ANO4: variants seen among roughly 807,000 people sequenced by gnomAD.
The protein encoded by ANO4 is anoctamin 4, also known as anoctamin-4.
Under a neutral mutation model 141.9 loss-of-function variants are expected in ANO4, and 69 were observed. The ratio of observed to expected loss-of-function variants is 0.49; its 90% CI spans 0.40 to 0.59. The LOEUF (loss-of-function observed/expected upper bound fraction) is 0.59, where lower values mean the gene tolerates loss of function less well. Ranked by LOEUF, ANO4 falls within the 20% of genes least tolerant of loss-of-function variation. ANO4 has a pLI of 0.00. For missense variants in ANO4, 894 were observed against 1,162.2 expected (o/e 0.77, Z 3.36); for synonymous variants, 350 against 394.3 (o/e 0.89, Z 1.33).
intron 1 of ANO4, among the ~76,000 whole-genome samples, chr12:100,726,683 G>A (rs2031134981): frequency 6.6e-6 from 1 of 152,214 alleles, no homozygotes; most frequent in Non-Finnish European, 1.5e-5. Flanking sequence ...GAGCAGGGTG[G>A]TAGAGAACAG....
chr12:101,120,377 G>A, intron 25 of ANO4, 143 bp from the exon 26 acceptor site: 1 of 681,742 alleles, frequency 1.5e-6, no homozygotes, highest in Admixed American at 2.9e-5. Flanking sequence ...GAAAAATGCT[G>A]GACAAGCAAA....
intron 1 of ANO4, among the ~76,000 whole-genome samples, chr12:100,833,323 A>T (rs1006789675): frequency 1.3e-5 from 2 of 152,174 alleles, no homozygotes; most frequent in Non-Finnish European, 2.9e-5. Context: ...GTATAAAAAG[A>T]GTAATATACA....
intron 1 of ANO4, among the ~76,000 whole-genome samples, chr12:100,856,495 C>A (rs1174863543): frequency 6.6e-6 from 1 of 151,960 alleles, no homozygotes; most frequent in Non-Finnish European, 1.5e-5. Context: ...CTGTAGCCAG[C>A]TGGGGGAAAA....
intron 5 of ANO4, among the ~76,000 whole-genome samples, chr12:100,956,990 T>A (rs1170453814): frequency 2.0e-5 from 3 of 152,254 alleles, no homozygotes; most frequent in Non-Finnish European, 4.4e-5. Context: ...TAAAATTAAC[T>A]CTTTTTAAGG....
intron 7 of ANO4, among the ~76,000 whole-genome samples, chr12:100,982,876 A>C (rs2044543787): frequency 6.6e-6 from 1 of 152,270 alleles, no homozygotes; most frequent in Non-Finnish European, 1.5e-5. Flanking sequence ...CCAAATCACC[A>C]ACAACCTGTA....
rs117482883 is a variant in ANO4 at position 101,074,954 on chromosome 12, C to T, written c.1313-4239C>T. Among the ~76,000 whole-genome samples, 11 of 152,278 alleles carry T rather than the reference C, an allele frequency of 7.2e-5. No individual in the cohort carries two copies. The East Asian group carries it at 2.1e-3, about 29-fold the overall frequency. On this transcript the variant is annotated intron_variant, in intron 14 of 27. Transcript: ENST00000392977. ...GTATAAAGACAACTAAGATACAGCT[C>T]TGCTCTCAAGAAGTCCACAAACTAG...
intron 5 of ANO4, among the ~76,000 whole-genome samples, chr12:100,944,617 A>G (rs1264327433): frequency 2.0e-5 from 3 of 151,498 alleles, no homozygotes; most frequent in Non-Finnish European, 4.4e-5. Flanking sequence ...TTCACAAGTG[A>G]CCTCTCCCGC....
chr12:100,942,632 A>T, intron 5 of ANO4, 97 bp downstream of exon 5: 2 of 1,297,392 alleles, frequency 1.5e-6, no homozygotes, highest in African/African-American at 1.5e-5. Flanking sequence ...TTAACCAAAC[A>T]TTTCATTTGG....
intron 14 of ANO4, among the ~76,000 whole-genome samples, chr12:101,062,705 A>C (rs1358214829): frequency 6.6e-6 from 1 of 152,148 alleles, no homozygotes; most frequent in African/African-American, 2.4e-5. Flanking sequence ...TTACCTACTC[A>C]AGCCTCAGCA....
chr12:100,887,090 C>T (rs1446926524), intron 1 of ANO4, among the ~76,000 whole-genome samples: 2 of 152,216 alleles, frequency 1.3e-5, no homozygotes, highest in African/African-American at 4.8e-5. Flanking sequence ...TGACAAAAAT[C>T]TTATATAAAG....
intron 14 of ANO4, among the ~76,000 whole-genome samples, chr12:101,076,640 GC>G (rs150385990): frequency 0.049 from 7,524 of 152,190 alleles, 617 homozygotes; most frequent in African/African-American, 0.17. Context: ...AGCAGCAGCT[GC>G]CAGTAAGACA....
chr12:100,788,231 A>G (rs1160116732), intron 3 of ANO4, among the ~76,000 whole-genome samples: 1 of 152,174 alleles, frequency 6.6e-6, no homozygotes, highest in East Asian at 1.9e-4. Context: ...GCTAGTTGAT[A>G]ATTCAGGGAT....
Position 100,726,354 on chromosome 12 carries a change from G to A in ANO4, c.23-7420G>A, listed in dbSNP as rs78690377. Among the ~76,000 whole-genome samples the A allele has an allele frequency of 1.5e-3, 236 of 152,300 alleles. 1 individual carries two copies. Among genetic ancestry groups the A allele is most frequent in the African/African-American group, 5.4e-3 (223 of 41,558 alleles). On this transcript the variant is annotated intron_variant, in intron 1 of 29. Transcript: ENST00000644049. The stretch of plus-strand genomic sequence containing the variant: ...ATTTCTCTTCTCAGCCTCAGTCTAT[G>A]AATATTCTGAACTAATCTATTTCTT...
intron 5 of ANO4, among the ~76,000 whole-genome samples, chr12:100,965,635 C>A (rs1382759562): frequency 1.3e-5 from 2 of 151,828 alleles, no homozygotes; most frequent in African/African-American, 4.8e-5. Flanking sequence ...TGTTCAATCA[C>A]CCCAGCCTTT....
chr12:100,834,150 A>G (rs1049342590), intron 1 of ANO4, among the ~76,000 whole-genome samples: 2 of 152,126 alleles, frequency 1.3e-5, no homozygotes, highest in African/African-American at 4.8e-5. Context: ...GCAAGCCACC[A>G]CCACCGAGGT....
chr12:100,744,906 C>T (rs2032035272), intron 3 of ANO4, among the ~76,000 whole-genome samples: 1 of 152,018 alleles, frequency 6.6e-6, no homozygotes, highest in Non-Finnish European at 1.5e-5. Flanking sequence ...TCTCTCCCTC[C>T]TTTCCCTCAC....
chr12:100,751,933 G>A (rs531801944), intron 3 of ANO4, among the ~76,000 whole-genome samples: 26 of 152,162 alleles, frequency 1.7e-4, no homozygotes, highest in Non-Finnish European at 2.5e-4. Flanking sequence ...TGAAGATATA[G>A]TTGGAATGTG....
rs373885901 is a variant in ANO4, at chr12:100,939,323, G to A, written c.169G>A (p.Asp57Asn). ...ATTTACTTTGGTTCTAGTGGCCAAG[G>A]ATGTCAATATTCTTTTTGATGAATT... ...ILNAIQEMAK[D>N]VNILFDELEA... is the part of the protein sequence containing the mutation. The change falls in exon 4 of 28, where the codon GAT becomes AAT. Residue 57 changes from aspartate to asparagine, a missense_variant. Asp to Asn is a conservative substitution (Grantham distance 23, BLOSUM62 1). This residue lies in a region of ANO4 where 257 missense variants were observed against 253.0 expected (regional missense o/e 1.02). Transcript: ENST00000392977. The A allele has an allele frequency of 2.9e-5, 47 of 1,612,946 alleles. No homozygotes were observed. The highest frequency in any genetic ancestry group is 5.3e-5 in the African/African-American group (4 of 74,886).
chr12:101,127,999 C>A lies in ANO4; in HGVS notation c.*143C>A, dbSNP rs566358559. On this transcript the variant is annotated 3_prime_UTR_variant, in exon 28 of 28. Coordinates refer to ENST00000392977, the MANE Select transcript of ANO4 (RefSeq NM_001286615.2). ...CGGCGGCCGCAGGAGGGGCAGCATC[C>A]AGTAGAGGACTGGCGTTGGAGTCAC... The A allele has an allele frequency of 6.5e-6, 1 of 152,788 alleles. No individual in the cohort carries two copies. The highest frequency in any genetic ancestry group is 2.4e-5 in the African/African-American group (1 of 41,582). 9.5% of individuals were successfully genotyped at this position (152,788 alleles called of 1,614,324 possible). A position where few individuals can be genotyped will look rare whatever the true frequency, so the allele number is the denominator to read the frequency against.
Sources: gnomAD v4.1 joint callset for allele counts (sites outside exome capture counted in the v4.1 genomes callset) on GRCh38, gnomAD v4.1.1 for gene constraint, gnomAD v4.1.1 regional missense constraint, MANE v1.5 for transcripts, NCBI Gene and HGNC (gene_info 2026-07-23, HGNC 2026-07-21) for gene names.